The following COL11A1 variants were observed in gnomAD, a reference collection of about 807,000 sequenced individuals.
COL11A1 encodes collagen type XI alpha 1 chain, also known as collagen alpha-1(XI) chain.
Under a neutral mutation model 265.2 loss-of-function variants are expected in COL11A1, and 74 were observed. The observed-to-expected ratio is 0.28, with a 90% confidence interval of 0.23 to 0.34. The LOEUF is 0.34. Ranked by LOEUF, COL11A1 falls within the 10% of genes least tolerant of loss-of-function variation. The probability of loss-of-function intolerance (pLI) is 1.00; values close to 1 mark genes in which losing one functional copy is unlikely to be tolerated. For missense variants in COL11A1, 2,165 were observed against 2,263.6 expected, an observed-to-expected ratio of 0.96 and a Z score of 0.88; for synonymous variants, 816 against 727.6, an observed-to-expected ratio of 1.12 and a Z score of -1.96.
chr1:102,965,622 C>A, intron 37 of COL11A1, 82 bp from the exon 38 acceptor site: 1 of 1,148,568 alleles, frequency 8.7e-7, no homozygotes, highest in South Asian at 1.3e-5. Flanking sequence ...CTGAATAAGT[C>A]ACATTAAAAG....
chr1:102,956,060 A>G (rs1182261871), intron 41 of COL11A1, among the ~76,000 whole-genome samples: 2 of 152,192 alleles, frequency 1.3e-5, no homozygotes, highest in African/African-American at 4.8e-5. Context: ...TGGTAGCACG[A>G]CAGAACGTTC....
intron 51 of COL11A1, 29 bp downstream of exon 51, chr1:102,914,675 C>A (rs779307500): frequency 6.5e-7 from 1 of 1,537,614 alleles, no homozygotes; most frequent in Middle Eastern, 1.9e-4. Flanking sequence ...GGCATAAATG[C>A]CACATTAGAG....
chr1:103,031,985 G>A (rs1002501568), intron 4 of COL11A1, among the ~76,000 whole-genome samples: 4 of 150,342 alleles, frequency 2.7e-5, no homozygotes, highest in Non-Finnish European at 4.4e-5. Flanking sequence ...AGAGCTTTTG[G>A]AAACTGCAAA....
intron 58 of COL11A1, among the ~76,000 whole-genome samples, chr1:102,889,919 C>T (rs1254789008): frequency 3.9e-5 from 6 of 152,088 alleles, no homozygotes; most frequent in Non-Finnish European, 8.8e-5. Flanking sequence ...TTTTAATAGG[C>T]ATCTCATTTA....
chr1:102,908,825 AT>A (rs914579986), intron 54 of COL11A1, among the ~76,000 whole-genome samples: 7 of 152,008 alleles, frequency 4.6e-5, no homozygotes, highest in East Asian at 1.9e-4. Context: ...CCATAATTTT[AT>A]TTTTTTAAGG....
At chr1:103,027,241 A>G (rs1667590097) in intron 5 of COL11A1, among the ~76,000 whole-genome samples, 1 of 150,852 alleles carries the variant, frequency 6.6e-6, no homozygotes, top group East Asian at 1.9e-4. Context: ...TAGTGTGCTC[A>G]AATCCAAAGC....
intron 31 of COL11A1, among the ~76,000 whole-genome samples, chr1:102,982,639 A>T (rs1663148203): frequency 6.6e-6 from 1 of 152,110 alleles, no homozygotes; most frequent in Non-Finnish European, 1.5e-5. Flanking sequence ...TTTAAATCAC[A>T]GATGCCGTAA....
At chr1:102,925,360 T>C (rs1306802795) in intron 46 of COL11A1, among the ~76,000 whole-genome samples, 1 of 152,092 alleles carries the variant, frequency 6.6e-6, no homozygotes, top group African/African-American at 2.4e-5. Context: ...CAAAATTTTT[T>C]TATAACCTAC....
At position 103,022,868 on chromosome 1, in the gene COL11A1, C is replaced by T. The variant is rs1434720892; in HGVS notation, c.1119G>A (p.Leu373=). Residue 373 remains leucine (L), a synonymous_variant, in exon 8 of 67, where the codon CTG becomes CTA. Transcript: ENST00000370096. ...KEIDGRDSDL[L]VDGDLGEYDF... Reference sequence around the variant, plus strand: ...CATATTCGCCTAAATCTCCATCTACCAGAAGATCAGAATCCCTGCCGTCTA... The same window carrying T: ...CATATTCGCCTAAATCTCCATCTACTAGAAGATCAGAATCCCTGCCGTCTA... 2.5e-6 allele frequency: 4 copies of T among 1,613,902 alleles called. No homozygotes were observed. Among genetic ancestry groups the T allele is most frequent in the Non-Finnish European group, 3.4e-6 (4 of 1,179,952 alleles).
rs1038327015 is a variant in COL11A1, at chr1:102,924,094, G to A, written c.3601-705C>T. Among the ~76,000 whole-genome samples, 4 of 151,456 alleles carry A rather than the reference G, an allele frequency of 2.6e-5. No individual in the cohort carries two copies. In the East Asian group the frequency reaches 5.8e-4, roughly 22 times the overall value. On this transcript the variant is annotated intron_variant, in intron 46 of 66. Transcript: ENST00000370096. ...AAATTAGCCGGGCGTGGTGGCAGGC[G>A]ACTGTAGTCACAGCTACTCGGGAGG... is the stretch of plus-strand genomic sequence containing the variant.
In COL11A1 at chr1:102,934,449, C is replaced by G. The variant is rs760198197; in HGVS notation, c.3600G>C (p.Gln1200His). ...FPGPPGPIGL[Q>H]GLPGPPGEKG... ...GTAAACAATGACAGGATCATCTTAC[C>G]TGAAGACCTATTGGACCAGGAGGTC... Residue 1200 changes from glutamine to histidine, a missense_variant and splice_region_variant, in exon 46 of 67, where the codon CAG (glutamine) becomes CAC (histidine). Transcript: ENST00000370096. The G allele has an allele frequency of 2.5e-6, 4 of 1,605,080 alleles. No homozygotes were observed. The South Asian group carries it at 4.4e-5, about 18-fold the overall frequency.
intron 14 of COL11A1, among the ~76,000 whole-genome samples, chr1:103,011,224 C>T (rs1666099651): frequency 6.6e-6 from 1 of 151,958 alleles, no homozygotes; most frequent in East Asian, 1.9e-4. Flanking sequence ...TACTTACTTT[C>T]CTGTTATGTA....
intron 4 of COL11A1, among the ~76,000 whole-genome samples, chr1:103,054,235 T>C (rs1337522798): frequency 6.6e-6 from 1 of 152,188 alleles, no homozygotes; most frequent in Non-Finnish European, 1.5e-5. Flanking sequence ...ATGAAACAGA[T>C]TCCAGACAAT....
At chr1:102,911,013 G>A (rs1224642599) in intron 54 of COL11A1, among the ~76,000 whole-genome samples, 2 of 152,054 alleles carry the variant, frequency 1.3e-5, no homozygotes, top group African/African-American at 4.8e-5. Context: ...ATGAGCAGCT[G>A]GACTTACAGC....
intron 5 of COL11A1, among the ~76,000 whole-genome samples, chr1:103,030,449 C>T (rs1667888789): frequency 6.6e-6 from 1 of 151,622 alleles, no homozygotes; most frequent in South Asian, 2.1e-4. Context: ...CCTAATAGTA[C>T]ATTTAAAAGG....
chr1:102,949,916 G>C lies in COL11A1; in HGVS notation c.3169-2960C>G, dbSNP rs139609088. Among the ~76,000 whole-genome samples the C allele has an allele frequency of 7.9e-3, 1,209 of 152,286 alleles. 13 individuals carry two copies. Among genetic ancestry groups the C allele is most frequent in the Non-Finnish European group, 0.011 (737 of 68,026 alleles). On this transcript the variant is annotated intron_variant, in intron 41 of 66. Coordinates refer to ENST00000370096, the MANE Select transcript of COL11A1 (RefSeq NM_001854.4). Reference sequence around the variant, plus strand: ...AACAAACAAAAAACTTAAAGGAATTGATGAAAATGCTTGTCTCCTTTATCC... The same window carrying C: ...AACAAACAAAAAACTTAAAGGAATTCATGAAAATGCTTGTCTCCTTTATCC...
chr1:102,984,245 AAAT>A (rs1447859752), intron 30 of COL11A1, 54 bp from the exon 31 acceptor site: 71 of 1,179,860 alleles, frequency 6.0e-5, no homozygotes, highest in African/African-American at 5.2e-4. Context: ...AATTAAGCTT[AAAT>A]AATGATTTCA....
chr1:102,899,542 A>T (rs1652911710), intron 54 of COL11A1, among the ~76,000 whole-genome samples: 1 of 152,146 alleles, frequency 6.6e-6, no homozygotes, highest in African/African-American at 2.4e-5. Context: ...AATAGGTAAA[A>T]TGAAAGCAAA....
At chr1:102,933,259 G>T (rs1349504951) in intron 46 of COL11A1, among the ~76,000 whole-genome samples, 2 of 130,042 alleles carry the variant, frequency 1.5e-5, no homozygotes, top group Non-Finnish European at 3.3e-5. Context: ...GTGATGTACA[G>T]ATGGGTTTTT....
Sources: allele counts gnomAD v4.1 joint callset (sites outside exome capture counted in the v4.1 genomes callset), GRCh38; gene constraint gnomAD v4.1.1; transcripts MANE v1.5; gene names NCBI Gene and HGNC (gene_info 2026-07-23, HGNC 2026-07-21).